PCSK2: variants seen among roughly 807,000 people sequenced by gnomAD.
PCSK2 encodes the protein neuroendocrine convertase 2.
PCSK2 carries 14 observed loss-of-function variants against 69.7 expected under a neutral mutation model. The ratio of observed to expected loss-of-function variants is 0.20; its 90% CI spans 0.13 to 0.31. The LOEUF (loss-of-function observed/expected upper bound fraction) is 0.31, where lower values mean the gene tolerates loss of function less well. PCSK2 is among the 10% of genes least tolerant of loss of function. PCSK2 has a pLI of 1.00. For missense variants in PCSK2, 544 were observed against 842.5 expected, an observed-to-expected ratio of 0.65 and a Z score of 4.39; for synonymous variants, 307 against 320.7, an observed-to-expected ratio of 0.96 and a Z score of 0.46.
chr20:17,428,457 G>T (rs887883855), intron 6 of PCSK2, among the ~76,000 whole-genome samples: 3 of 152,016 alleles, frequency 2.0e-5, no homozygotes, highest in African/African-American at 7.2e-5. Context: ...TATTTTTAAG[G>T]GCTGGTGCGA....
intron 10 of PCSK2, among the ~76,000 whole-genome samples, chr20:17,461,006 A>C (rs2033005647): frequency 6.6e-6 from 1 of 152,084 alleles, no homozygotes; most frequent in African/African-American, 2.4e-5. Flanking sequence ...GGCTTTAAGC[A>C]TTAGGATGCC....
chr20:17,437,134 G>A (rs958405129), intron 8 of PCSK2, among the ~76,000 whole-genome samples: 1 of 86,018 alleles, frequency 1.2e-5, no homozygotes, highest in African/African-American at 4.9e-5. Flanking sequence ...GGAAGGAAGG[G>A]GCCGGGGGGG....
At chr20:17,226,959 T>G (rs1220579613), upstream of PCSK2, 1 of 159,628 alleles carries the variant, frequency 6.3e-6, no homozygotes, top group Non-Finnish European at 1.4e-5. Flanking sequence ...CCCGAGCTGG[T>G]GCTCTCCCCC....
intron 8 of PCSK2, among the ~76,000 whole-genome samples, chr20:17,449,213 C>A (rs1214842907): frequency 6.6e-6 from 1 of 152,160 alleles, no homozygotes; most frequent in Non-Finnish European, 1.5e-5. Flanking sequence ...AGCCATTCCA[C>A]TCACTGAGCA....
rs117732889 is a variant in PCSK2 at position 17,297,431 on chromosome 20, G to A, written c.282+37087G>A. On this transcript the variant is annotated intron_variant, in intron 2 of 11. Coordinates refer to ENST00000262545, the MANE Select transcript of PCSK2 (RefSeq NM_002594.5). The stretch of plus-strand genomic sequence containing the variant: ...GGCAGAGAGAGCTATGCATCCTCGA[G>A]CATCATCTGGGGAACTAGGAATGGA... 5.6e-3 allele frequency among the ~76,000 whole-genome samples: 857 copies of A among 152,310 alleles called. 2 individuals carry two copies. The highest frequency in any genetic ancestry group is 9.9e-3 in the Non-Finnish European group (673 of 68,020).
intron 2 of PCSK2, among the ~76,000 whole-genome samples, chr20:17,290,292 T>C (rs556188474): frequency 6.6e-6 from 1 of 152,358 alleles, no homozygotes; most frequent in East Asian, 1.9e-4. Flanking sequence ...TGTCATCTTT[T>C]GGGAAGTGCT....
At chr20:17,480,745 C>T (rs2033385331) in intron 11 of PCSK2, among the ~76,000 whole-genome samples, 1 of 152,178 alleles carries the variant, frequency 6.6e-6, no homozygotes, top group Admixed American at 6.5e-5. Flanking sequence ...CGAGTTGCCA[C>T]CGTGGGCAGC....
chr20:17,338,379 T>G (rs1032480814), intron 2 of PCSK2, among the ~76,000 whole-genome samples: 11 of 152,158 alleles, frequency 7.2e-5, no homozygotes, highest in African/African-American at 2.4e-4. Flanking sequence ...GTATTTTTAG[T>G]AGAGATGGGG....
At chr20:17,305,321 T>C (rs1011555172) in intron 2 of PCSK2, among the ~76,000 whole-genome samples, 2 of 152,088 alleles carry the variant, frequency 1.3e-5, no homozygotes, top group Non-Finnish European at 2.9e-5. Flanking sequence ...ACTTGCAAAA[T>C]GAAAATGTTT....
intron 2 of PCSK2, among the ~76,000 whole-genome samples, chr20:17,307,463 G>A (rs13042423): frequency 0.063 from 9,538 of 152,300 alleles, 405 homozygotes; most frequent in Middle Eastern, 0.092. Context: ...GCCAAAGGGT[G>A]GTGGTGGCAG....
At chr20:17,403,165 G>A (rs938345809) in intron 5 of PCSK2, among the ~76,000 whole-genome samples, 1 of 152,198 alleles carries the variant, frequency 6.6e-6, no homozygotes, top group African/African-American at 2.4e-5. Flanking sequence ...TGTGTCACTA[G>A]AAAATTATAT....
chr20:17,418,840 C>T (rs891081601), intron 6 of PCSK2, among the ~76,000 whole-genome samples: 4 of 152,128 alleles, frequency 2.6e-5, no homozygotes, highest in African/African-American at 9.7e-5. Flanking sequence ...GTCAGCATGC[C>T]CTGAAACTCC....
intron 5 of PCSK2, among the ~76,000 whole-genome samples, chr20:17,399,158 G>T (rs1346321372): frequency 6.6e-6 from 1 of 152,218 alleles, no homozygotes; most frequent in Non-Finnish European, 1.5e-5. Flanking sequence ...CAAGTGGCAG[G>T]ATGGGTATTT....
intron 4 of PCSK2, among the ~76,000 whole-genome samples, chr20:17,361,512 A>G (rs1394292067): frequency 6.6e-6 from 1 of 152,234 alleles, no homozygotes; most frequent in Non-Finnish European, 1.5e-5. Flanking sequence ...TGGGTCTGCC[A>G]GCAAAAAGCT....
intron 6 of PCSK2, among the ~76,000 whole-genome samples, chr20:17,418,612 T>A (rs1373105857): frequency 6.6e-6 from 1 of 152,200 alleles, no homozygotes; most frequent in Non-Finnish European, 1.5e-5. Context: ...AGGCTCATTC[T>A]CTCATTACAC....
intron 2 of PCSK2, among the ~76,000 whole-genome samples, chr20:17,308,790 A>T (rs189851918): frequency 5.1e-4 from 77 of 152,162 alleles, no homozygotes; most frequent in Admixed American, 9.8e-4. Context: ...GGAGCATTTG[A>T]ACTGACTCAA....
chr20:17,293,082 C>G (rs565950623), intron 2 of PCSK2, among the ~76,000 whole-genome samples: 65 of 152,196 alleles, frequency 4.3e-4, no homozygotes, highest in Non-Finnish European at 7.5e-4. Flanking sequence ...GCCTCGGCCT[C>G]TCAAAGTGCT....
At chr20:17,272,687 C>G (rs781576102) in intron 2 of PCSK2, among the ~76,000 whole-genome samples, 4 of 152,016 alleles carry the variant, frequency 2.6e-5, no homozygotes, top group Non-Finnish European at 5.9e-5. Context: ...TGATATGAAT[C>G]TATTAATATA....
At chr20:17,446,749 A>G (rs1278131415) in intron 8 of PCSK2, among the ~76,000 whole-genome samples, 2 of 152,254 alleles carry the variant, frequency 1.3e-5, no homozygotes, top group African/African-American at 4.8e-5. Flanking sequence ...TTCATAAATC[A>G]ATACATTGTT....
Sources: gnomAD v4.1 joint callset for allele counts (sites outside exome capture counted in the v4.1 genomes callset) on GRCh38, gnomAD v4.1.1 for gene constraint, MANE v1.5 for transcripts, NCBI Gene and HGNC (gene_info 2026-07-23, HGNC 2026-07-21) for gene names.